PCDHGB4: variants seen among roughly 807,000 people sequenced by gnomAD.
PCDHGB4 encodes the protein protocadherin gamma subfamily B, 4.
In PCDHGB4, 38 loss-of-function variants were observed where a neutral mutation model predicts 60.5. The ratio of observed to expected loss-of-function variants is 0.63; its 90% CI spans 0.48 to 0.82. The LOEUF (loss-of-function observed/expected upper bound fraction) is 0.82, where lower values mean the gene tolerates loss of function less well. Among genes scored for constraint, PCDHGB4 ranks in the 40% least tolerant of loss-of-function variants. The pLI, the probability that PCDHGB4 is intolerant of heterozygous loss-of-function variation, is 0.00. For missense variants in PCDHGB4, 1,109 were observed against 1,209.6 expected, an observed-to-expected ratio of 0.92 and a Z score of 1.23; for synonymous variants, 456 against 509.7, an observed-to-expected ratio of 0.89 and a Z score of 1.42.
intron 1 of PCDHGB4, chr5:141,439,898 C>T (rs1428014089): frequency 6.6e-6 from 1 of 152,344 alleles, no homozygotes; most frequent in African/African-American, 2.4e-5. Context: ...ACCAAGGCGA[C>T]TACTGCCTCC....
chr5:141,490,454 C>T lies in PCDHGB4; in HGVS notation c.2398-4353C>T. The T allele has an allele frequency of 3.1e-6, 5 of 1,614,176 alleles. No homozygotes were observed. The highest frequency in any genetic ancestry group is 4.2e-6 in the Non-Finnish European group (5 of 1,180,020). On this transcript the variant is annotated intron_variant, in intron 1 of 3. Transcript: ENST00000519479. The surrounding 1 kb of genome is among the most constrained non-coding windows in gnomAD (Gnocchi z 5.4). The stretch of plus-strand genomic sequence containing the variant: ...ATTAAGCCTTCTGAGAACCACTACT[C>T]GCTGCTAACCAGCCAGCCTTTGGAC...
At position 141,422,850 on chromosome 5, in the gene PCDHGB4, G is replaced by A. The variant is rs184432819; in HGVS notation, c.2397+32569G>A. On this transcript the variant is annotated intron_variant, in intron 1 of 3. Transcript: ENST00000519479. Reference sequence around the variant, plus strand: ...TGATAGCACGTGACAGCGGGGACCCGCCCCTCAGCAGCAACGTGTCGCTGA... The same window carrying A: ...TGATAGCACGTGACAGCGGGGACCCACCCCTCAGCAGCAACGTGTCGCTGA... 154 of 1,614,204 alleles carry A rather than the reference G, an allele frequency of 9.5e-5. 1 individual carries two copies. The African/African-American group carries it at 1.3e-3, about 14-fold the overall frequency.
intron 1 of PCDHGB4, among the ~76,000 whole-genome samples, chr5:141,458,275 G>A (rs975142859): frequency 2.6e-5 from 4 of 152,142 alleles, no homozygotes; most frequent in Non-Finnish European, 5.9e-5. Flanking sequence ...GAACAACAGG[G>A]TTCCTGGTCC....
Position 141,432,731 on chromosome 5 carries a change from G to C in PCDHGB4, c.2397+42450G>C, listed in dbSNP as rs1244820860. On this transcript the variant is annotated intron_variant, in intron 1 of 3. Coordinates refer to ENST00000519479, the MANE Select transcript of PCDHGB4 (RefSeq NM_003736.4). This position sits in a 1 kb window ranked among gnomAD's most constrained non-coding sequence, Gnocchi z 6.0. ...CGGCCAGCCCCCTCTCTCCGCCACT[G>C]TCACGCTCACCGTGGCCGTGGCCGA... The C allele has an allele frequency of 6.2e-7, 1 of 1,614,068 alleles. No homozygotes were observed.
At chr5:141,404,097 T>C in intron 1 of PCDHGB4, 1 of 1,613,584 alleles carries the variant, frequency 6.2e-7, no homozygotes, top group Non-Finnish European at 8.5e-7. Flanking sequence ...AATGGTCAAG[T>C]TGTCTGTTCT....
At chr5:141,445,805 A>G (rs2098478274) in intron 1 of PCDHGB4, among the ~76,000 whole-genome samples, 2 of 152,236 alleles carry the variant, frequency 1.3e-5, no homozygotes, top group South Asian at 4.1e-4. Flanking sequence ...GAAAATAAAT[A>G]GATGAAACTA....
chr5:141,437,638 A>G (rs192433359), intron 1 of PCDHGB4, among the ~76,000 whole-genome samples: 1 of 152,250 alleles, frequency 6.6e-6, no homozygotes, highest in Admixed American at 6.5e-5. Context: ...TGTCAGGTTC[A>G]GAAAAGCAAA....
intron 1 of PCDHGB4, among the ~76,000 whole-genome samples, chr5:141,492,882 C>G (rs2099744816): frequency 6.6e-6 from 1 of 152,218 alleles, no homozygotes; most frequent in Admixed American, 6.5e-5. Context: ...CCCAGAGATA[C>G]AGGCTTTTGG....
At chr5:141,393,299 G>T (rs768038476) in intron 1 of PCDHGB4, 8 of 1,613,780 alleles carry the variant, frequency 5.0e-6, no homozygotes, top group Middle Eastern at 1.6e-4. Context: ...ACCCGGATGT[G>T]GGCGTGAACT....
At chr5:141,414,870 G>T in intron 1 of PCDHGB4, 1 of 1,614,224 alleles carries the variant, frequency 6.2e-7, no homozygotes, top group Non-Finnish European at 8.5e-7. Flanking sequence ...ATGCGCCCGA[G>T]ATCCTGTACC....
intron 1 of PCDHGB4, chr5:141,418,113 T>C (rs1320881856): frequency 3.1e-6 from 5 of 1,613,912 alleles, no homozygotes; most frequent in Non-Finnish European, 3.4e-6. Context: ...GGGGACTTAC[T>C]TGTGAAGGAC....
At chr5:141,444,152 ATTTTTTTTTTTTTTTTTTT>A (rs747671382) in intron 1 of PCDHGB4, among the ~76,000 whole-genome samples, 14 of 33,898 alleles carry the variant, frequency 4.1e-4, no homozygotes, top group South Asian at 3.1e-3. Flanking sequence ...TGTGTACTGG[ATTTTTTTTTTTTTTTTTTT>A]TTTTTTTTTT....
intron 1 of PCDHGB4, chr5:141,478,647 T>G (rs2099469515): frequency 6.4e-7 from 1 of 1,552,152 alleles, no homozygotes; most frequent in Non-Finnish European, 8.7e-7. Flanking sequence ...GAAGATGTTT[T>G]CCTGGTGATG....
In PCDHGB4 at chr5:141,454,796, A is replaced by ATTTTTT. The variant is rs61612330; in HGVS notation, c.2398-39987_2398-39982dup. Among the ~76,000 whole-genome samples the ATTTTTT allele has an allele frequency of 4.9e-3, 381 of 77,456 alleles. 41 individuals carry two copies. The highest frequency in any genetic ancestry group is 0.011 in the African/African-American group (178 of 16,882). 50.8% of individuals were successfully genotyped at this position (77,456 alleles called of 152,430 possible). ...AAGGAAATAATCCTCCATGGTTCTA[A>ATTTTTT]TTTTTTTTTTTTTTTTTTTTTTTTT... On this transcript the variant is annotated intron_variant, in intron 1 of 3. Coordinates refer to ENST00000519479, the MANE Select transcript of PCDHGB4 (RefSeq NM_003736.4).
At chr5:141,421,699 G>T (rs751572007) in intron 1 of PCDHGB4, 1 of 1,613,928 alleles carries the variant, frequency 6.2e-7, no homozygotes, top group Admixed American at 1.7e-5. Flanking sequence ...TCTTCCTAAT[G>T]CTAGGGATCC....
chr5:141,392,713 G>C, intron 1 of PCDHGB4: 1 of 1,363,444 alleles, frequency 7.3e-7, no homozygotes, highest in Non-Finnish European at 9.6e-7. Flanking sequence ...AGGCACTCCA[G>C]GTTTCCGGAG....
intron 1 of PCDHGB4, chr5:141,408,693 T>C (rs1561714723): frequency 6.2e-6 from 10 of 1,613,768 alleles, no homozygotes; most frequent in Non-Finnish European, 8.5e-6. Flanking sequence ...GATATAAACA[T>C]AAACTCAATT....
At chr5:141,422,849 C>T in intron 1 of PCDHGB4, 1 of 1,614,238 alleles carries the variant, frequency 6.2e-7, no homozygotes, top group Non-Finnish European at 8.5e-7. Context: ...AGCGGGGACC[C>T]GCCCCTCAGC....
At chr5:141,415,655 T>C (rs780357843) in intron 1 of PCDHGB4, 50 of 1,586,718 alleles carry the variant, frequency 3.2e-5, no homozygotes, top group Non-Finnish European at 4.0e-5. Flanking sequence ...AAAAAAAAGA[T>C]TGGTTTTTAC....
Sources: gnomAD v4.1 joint callset for allele counts (sites outside exome capture counted in the v4.1 genomes callset) on GRCh38, gnomAD v4.1.1 for gene constraint, Gnocchi (gnomAD v3.1) non-coding constraint, MANE v1.5 for transcripts, NCBI Gene and HGNC (gene_info 2026-07-23, HGNC 2026-07-21) for gene names.